The following KCNQ2 variants were observed in gnomAD, a reference collection of about 807,000 sequenced individuals.
The protein encoded by KCNQ2 is potassium voltage-gated channel subfamily KQT member 2.
Under a neutral mutation model 84.8 loss-of-function variants are expected in KCNQ2, and 14 were observed. The ratio of observed to expected loss-of-function variants is 0.17; its 90% CI spans 0.11 to 0.26. The LOEUF is 0.26. KCNQ2 is among the 10% of genes least tolerant of loss of function. KCNQ2 has a pLI of 1.00. For synonymous variants in KCNQ2, 599 were observed against 554.1 expected (o/e 1.08, Z -1.14); for missense variants, 788 against 1,254.0 (o/e 0.63, Z 5.61).
At chr20:63,464,031 C>T (rs1439275235) in intron 1 of KCNQ2, among the ~76,000 whole-genome samples, 5 of 152,186 alleles carry the variant, frequency 3.3e-5, no homozygotes, top group Non-Finnish European at 1.5e-5. Context: ...TATGCATCCA[C>T]AAAGCCATTC....
rs1246910989 is a variant in KCNQ2 at position 63,443,025 on chromosome 20, TCAC to T, written c.691-497_691-495del. The stretch of plus-strand genomic sequence containing the variant: ...ACCACCATCACCATCACCACCACCA[TCAC>T]ATCACCACCACCATCACCATCATCA... On this transcript the variant is annotated intron_variant, in intron 4 of 16. Transcript: ENST00000359125. Among the ~76,000 whole-genome samples the T allele has an allele frequency of 1.8e-3, 50 of 28,120 alleles. 1 individual carries two copies. Among genetic ancestry groups the T allele is most frequent in the African/African-American group, 5.8e-3 (41 of 7,090 alleles). 18.4% of individuals were successfully genotyped at this position (28,120 alleles called of 152,430 possible).
Position 63,446,916 on chromosome 20 carries a change from C to T in KCNQ2, c.297-79G>A. 8.0e-7 allele frequency: 1 copy of T among 1,255,848 alleles called. No individual in the cohort carries two copies. Among genetic ancestry groups the T allele is most frequent in the African/African-American group, 1.5e-5 (1 of 67,716 alleles). The allele number at this position is 1,255,848 out of a possible 1,614,324, so 77.8% of individuals were successfully genotyped here. ...GCTGTGTCTCCAGAACTCAGGACCC[C>T]ACTCCCCACCAGGCCGCAGCAGGGC... On this transcript the variant is annotated intron_variant, in intron 1 of 16. Transcript: ENST00000359125. The surrounding 1 kb of genome is among the most constrained non-coding windows in gnomAD (Gnocchi z 5.5).
intron 15 of KCNQ2, among the ~76,000 whole-genome samples, chr20:63,409,041 T>C (rs910426394): frequency 4.6e-5 from 7 of 152,182 alleles, no homozygotes; most frequent in Non-Finnish European, 8.8e-5. Context: ...CCACCGGGTC[T>C]GATGGGGACG....
In KCNQ2 at chr20:63,444,815, G is replaced by A. The variant is rs144065204; in HGVS notation, c.534C>T (p.Ala178=). 5.6e-6 allele frequency: 9 copies of A among 1,604,732 alleles called. No individual in the cohort carries two copies. The highest frequency in any genetic ancestry group is 1.3e-5 in the African/African-American group (1 of 74,994). ...AGCCGGCGGCCAGCACCGCAATGGA[G>A]GCGATGAGCACCATGATGTCTACAA... ...FCVIDIMVLI[A]SIAVLAAGSQ... is the part of the protein sequence containing the mutation. Residue 178 remains alanine, a synonymous_variant, in exon 4 of 17, where the codon GCC becomes GCT. Transcript: ENST00000359125.
At chr20:63,448,837 G>T (rs759075706) in intron 1 of KCNQ2, among the ~76,000 whole-genome samples, 6 of 152,312 alleles carry the variant, frequency 3.9e-5, no homozygotes, top group African/African-American at 1.4e-4. Flanking sequence ...GGCATCCTGG[G>T]GGGGAGTCTC....
intron 5 of KCNQ2, among the ~76,000 whole-genome samples, chr20:63,442,104 C>T (rs1277509046): frequency 1.3e-5 from 2 of 152,196 alleles, no homozygotes; most frequent in Non-Finnish European, 2.9e-5. Flanking sequence ...AATCGGGACA[C>T]GGAGCAGGTG....
intron 11 of KCNQ2, among the ~76,000 whole-genome samples, chr20:63,421,328 T>C (rs939902317): frequency 6.6e-5 from 10 of 152,186 alleles, no homozygotes; most frequent in African/African-American, 2.4e-4. Context: ...ATCCATGTTA[T>C]TTTAACAGCC....
chr20:63,444,368 C>G (rs185943560), intron 4 of KCNQ2, among the ~76,000 whole-genome samples: 1 of 152,346 alleles, frequency 6.6e-6, no homozygotes, highest in African/African-American at 2.4e-5. Flanking sequence ...GCCAAGGGTT[C>G]GCGGCAGGAA....
intron 10 of KCNQ2, chr20:63,424,417 G>A (rs893793065): frequency 2.2e-5 from 13 of 602,928 alleles, no homozygotes; most frequent in African/African-American, 1.3e-4. Context: ...AGGCAGCTCC[G>A]AGAGGGAAGA....
At position 63,407,905 on chromosome 20, in the gene KCNQ2, C is replaced by T. The variant is rs1170300902; in HGVS notation, c.1887+508G>A. On this transcript the variant is annotated intron_variant, in intron 16 of 16. Coordinates refer to ENST00000359125, the MANE Select transcript of KCNQ2 (RefSeq NM_172107.4). This position sits in a 1 kb window ranked among gnomAD's most constrained non-coding sequence, Gnocchi z 7.2. ...GGCGTGTGTTCAGAGCCAGGCCCTC[C>T]TGCTGCCCACCGTGGAACCCCCTTC... is the stretch of plus-strand genomic sequence containing the variant. The T allele has an allele frequency of 9.4e-6, 2 of 213,772 alleles. No homozygotes were observed. Among genetic ancestry groups the T allele is most frequent in the Non-Finnish European group, 1.9e-5 (2 of 105,128 alleles). 13.2% of individuals were successfully genotyped at this position (213,772 alleles called of 1,614,324 possible).
Position 63,472,580 on chromosome 20 carries a change from G to C in KCNQ2, c.-117C>G. ...CGGGAGCCGCATGGCCGAGGCGGCG[G>C]TTCCGCACTCCTGCCGGGCTTGGGC... On this transcript the variant is annotated 5_prime_UTR_variant, in exon 1 of 17. Transcript: ENST00000359125. 2 of 896,252 alleles carry C rather than the reference G, an allele frequency of 2.2e-6. No individual in the cohort carries two copies. The highest frequency in any genetic ancestry group is 2.8e-6 in the Non-Finnish European group (2 of 702,950). The allele number at this position is 896,252 out of a possible 1,614,324, so 55.5% of individuals were successfully genotyped here. A position where few individuals can be genotyped will look rare whatever the true frequency, so the allele number is the denominator to read the frequency against.
intron 1 of KCNQ2, among the ~76,000 whole-genome samples, chr20:63,454,153 G>A (rs1453891744): frequency 6.6e-6 from 1 of 152,100 alleles, no homozygotes; most frequent in African/African-American, 2.4e-5. Flanking sequence ...CAGAATTCAG[G>A]GAGATGAATC....
chr20:63,426,426 T>C (rs1429624113), intron 10 of KCNQ2, among the ~76,000 whole-genome samples: 1 of 152,034 alleles, frequency 6.6e-6, no homozygotes, highest in Non-Finnish European at 1.5e-5. Context: ...TTAAGACCCT[T>C]TGCAAGCTGG....
intron 1 of KCNQ2, 140 bp downstream of exon 1, chr20:63,472,028 C>G: frequency 1.7e-6 from 1 of 604,244 alleles, no homozygotes; most frequent in Non-Finnish European, 2.7e-6. Flanking sequence ...CCAGCACTCC[C>G]GCCGGGGAGC....
Position 63,419,755 on chromosome 20 carries a change from ACCCAGGGTGTTGTGTGCAGT to A in KCNQ2, c.1248-103_1248-84del. ...GCAGGGAAACTGAGGCACTGCAACC[ACCCAGGGTGTTGTGTGCAGT>A]CCCCAGCGGCAGAGCTTGCGCCCAA... On this transcript the variant is annotated intron_variant, in intron 11 of 16. Coordinates refer to ENST00000359125, the MANE Select transcript of KCNQ2 (RefSeq NM_172107.4). 4 of 1,267,568 alleles carry A rather than the reference ACCCAGGGTGTTGTGTGCAGT, an allele frequency of 3.2e-6. No individual in the cohort carries two copies. In the South Asian group the frequency reaches 5.1e-5, roughly 16 times the overall value. The allele number at this position is 1,267,568 out of a possible 1,614,324, so 78.5% of individuals were successfully genotyped here. A position where few individuals can be genotyped will look rare whatever the true frequency, so the allele number is the denominator to read the frequency against.
intron 4 of KCNQ2, among the ~76,000 whole-genome samples, chr20:63,442,845 TCAC>T (rs1555872502): frequency 1.2e-4 from 3 of 25,768 alleles, no homozygotes; most frequent in African/African-American, 1.9e-4. Flanking sequence ...ACCACCACCA[TCAC>T]CATCACCACC....
At chr20:63,453,991 C>A (rs1454380755) in intron 1 of KCNQ2, among the ~76,000 whole-genome samples, 1 of 152,172 alleles carries the variant, frequency 6.6e-6, no homozygotes, top group Non-Finnish European at 1.5e-5. Context: ...AAACGAGGCC[C>A]AGGTCCCAAA....
At chr20:63,419,528 T>TC in intron 12 of KCNQ2, 91 bp downstream of exon 12, 2 of 1,323,412 alleles carry the variant, frequency 1.5e-6, no homozygotes, top group Non-Finnish European at 2.1e-6. Flanking sequence ...GGCGCCAGCC[T>TC]CCCCCTGGCT....
At position 63,408,576 on chromosome 20, in the gene KCNQ2, G is replaced by A. The variant is rs745887819; in HGVS notation, c.1764-40C>T. ...GACCCCAAAGCATGAGTTCGGGTGG[G>A]TGCAGCAGGGCCCCTGCCCTCTCCT... On this transcript the variant is annotated intron_variant, in intron 15 of 16. Coordinates refer to ENST00000359125, the MANE Select transcript of KCNQ2 (RefSeq NM_172107.4). This position sits in a 1 kb window ranked among gnomAD's most constrained non-coding sequence, Gnocchi z 5.0. 4 of 1,604,444 alleles carry A rather than the reference G, an allele frequency of 2.5e-6. No individual in the cohort carries two copies. The highest frequency in any genetic ancestry group is 2.7e-5 in the African/African-American group (2 of 74,974).
Sources: gnomAD v4.1 joint callset for allele counts (sites outside exome capture counted in the v4.1 genomes callset) on GRCh38, gnomAD v4.1.1 for gene constraint, Gnocchi (gnomAD v3.1) non-coding constraint, MANE v1.5 for transcripts, NCBI Gene and HGNC (gene_info 2026-07-23, HGNC 2026-07-21) for gene names.